Variants in TECRL observed in about 807,000 individuals in gnomAD.
TECRL encodes trans-2,3-enoyl-CoA reductase-like.
Under a neutral mutation model 52.8 loss-of-function variants are expected in TECRL, and 63 were observed. The observed-to-expected ratio is 1.19, with a 90% CI of 0.97 to 1.47. The LOEUF is 1.47. Among genes scored for constraint, TECRL ranks in the 40% most tolerant of loss-of-function variants. The pLI is 0.00. For synonymous variants in TECRL, 164 were observed against 141.9 expected (o/e 1.16, Z -1.10); for missense variants, 482 against 429.6 (o/e 1.12, Z -1.08).
At chr4:64,354,006 G>A (rs1279872175) in intron 2 of TECRL, among the ~76,000 whole-genome samples, 1 of 152,072 alleles carries the variant, frequency 6.6e-6, no homozygotes. Context: ...GTCAAAGAAA[G>A]GAATGGTATG....
In TECRL at chr4:64,314,593, GTGTGTGTGTGTGTGT is replaced by G. The variant is rs1717340534; in HGVS notation, c.551+40_551+54del. The G allele has an allele frequency of 7.9e-4, 209 of 264,716 alleles. 4 individuals are homozygous for G. Among genetic ancestry groups the G allele is most frequent in the South Asian group, 1.6e-3 (35 of 21,906 alleles). The allele number at this position is 264,716 out of a possible 1,614,324, so 16.4% of individuals were successfully genotyped here. ...TCATCCCCTCCTTAACGTGTATGGT[GTGTGTGTGTGTGTGT>G]GTGTGTGTGTGTGTGTGTGTGTGTG... On this transcript the variant is annotated intron_variant, in intron 5 of 11. Coordinates refer to ENST00000381210, the MANE Select transcript of TECRL (RefSeq NM_001010874.5).
intron 2 of TECRL, among the ~76,000 whole-genome samples, chr4:64,356,567 G>C (rs1011735457): frequency 5.9e-5 from 9 of 152,118 alleles, no homozygotes; most frequent in Non-Finnish European, 8.8e-5. Context: ...TCCAGGCATA[G>C]TACCTCCCCT....
chr4:64,349,435 A>C (rs1720228200), intron 2 of TECRL, among the ~76,000 whole-genome samples: 1 of 151,880 alleles, frequency 6.6e-6, no homozygotes, highest in Non-Finnish European at 1.5e-5. Context: ...CCAGCCTATA[A>C]AAACCTTTTA....
intron 2 of TECRL, among the ~76,000 whole-genome samples, chr4:64,346,635 G>A (rs1239554768): frequency 1.3e-5 from 2 of 152,236 alleles, no homozygotes; most frequent in Admixed American, 6.5e-5. Context: ...GCACAGATCA[G>A]GGGGCCCCTG....
At chr4:64,361,594 G>A (rs1267877040) in intron 2 of TECRL, among the ~76,000 whole-genome samples, 1 of 152,124 alleles carries the variant, frequency 6.6e-6, no homozygotes, top group African/African-American at 2.4e-5. Flanking sequence ...CAGCCCAGGA[G>A]TGCTGAGCTA....
At chr4:64,340,576 G>C (rs938054475) in intron 2 of TECRL, among the ~76,000 whole-genome samples, 2 of 152,232 alleles carry the variant, frequency 1.3e-5, no homozygotes, top group Non-Finnish European at 2.9e-5. Flanking sequence ...TGGACTTTGG[G>C]CACTGACAAG....
At chr4:64,345,912 A>AAAAAAAAAAAAAAAAC (rs1409279767) in intron 2 of TECRL, among the ~76,000 whole-genome samples, 2 of 138,674 alleles carry the variant, frequency 1.4e-5, no homozygotes, top group East Asian at 4.2e-4. Context: ...AACAGCAAAA[A>AAAAAAAAAAAAAAAAC]AAAAAAAAAA....
chr4:64,339,860 C>T (rs990842161), intron 2 of TECRL, among the ~76,000 whole-genome samples: 2 of 152,168 alleles, frequency 1.3e-5, no homozygotes, highest in African/African-American at 4.8e-5. Flanking sequence ...CTACTATTTT[C>T]ACGATCATAA....
chr4:64,388,967 A>G (rs1457761977), intron 1 of TECRL, among the ~76,000 whole-genome samples: 2 of 151,900 alleles, frequency 1.3e-5, no homozygotes, highest in African/African-American at 4.8e-5. Flanking sequence ...CTGCAAATCC[A>G]TCATAATTCC....
intron 11 of TECRL, 68 bp downstream of exon 11, chr4:64,280,973 T>A (rs565565542): frequency 8.2e-7 from 1 of 1,213,094 alleles, no homozygotes; most frequent in East Asian, 2.4e-5. Flanking sequence ...ATAATAACTT[T>A]TTCTCAGAAA....
chr4:64,389,308 T>C (rs146950309), intron 1 of TECRL, among the ~76,000 whole-genome samples: 2 of 151,870 alleles, frequency 1.3e-5, no homozygotes, highest in Non-Finnish European at 2.9e-5. Flanking sequence ...CCTACTTTAT[T>C]GAGACTTTTA....
intron 1 of TECRL, among the ~76,000 whole-genome samples, chr4:64,392,834 A>T (rs1723637412): frequency 6.6e-6 from 1 of 151,982 alleles, no homozygotes; most frequent in Non-Finnish European, 1.5e-5. Flanking sequence ...TTTACAAATT[A>T]CCACAGCATG....
chr4:64,346,130 A>G (rs1719964370), intron 2 of TECRL, among the ~76,000 whole-genome samples: 1 of 152,062 alleles, frequency 6.6e-6, no homozygotes, highest in Admixed American at 6.6e-5. Flanking sequence ...TATTCATCTC[A>G]TTAGATGTTG....
In TECRL at chr4:64,406,159, C is replaced by CGTGTGT. The variant is rs1282591396; in HGVS notation, c.234+2958_234+2959insACACAC. Among the ~76,000 whole-genome samples, 3 of 150,138 alleles carry CGTGTGT rather than the reference C, an allele frequency of 2.0e-5. No homozygotes were observed. In the East Asian group the frequency reaches 6.0e-4, roughly 30 times the overall value. ...TTTTTATTTGTTAGGCGCGCGCGCG[C>CGTGTGT]GCGCGCGTGTGTGTGTGTGTGTATG... On this transcript the variant is annotated intron_variant, in intron 1 of 11. Coordinates refer to ENST00000381210, the MANE Select transcript of TECRL (RefSeq NM_001010874.5).
chr4:64,328,815 T>A (rs1159054961), intron 2 of TECRL, among the ~76,000 whole-genome samples: 3 of 151,940 alleles, frequency 2.0e-5, no homozygotes, highest in Non-Finnish European at 4.4e-5. Context: ...ATAGGTGTGT[T>A]CAGGTTTTGG....
intron 1 of TECRL, among the ~76,000 whole-genome samples, chr4:64,377,047 T>C (rs1431438595): frequency 6.6e-6 from 1 of 152,162 alleles, no homozygotes; most frequent in Non-Finnish European, 1.5e-5. Context: ...GATATATGCT[T>C]TTTTCTTTCA....
chr4:64,341,206 A>T lies in TECRL; in HGVS notation c.287-12650T>A, dbSNP rs1195608255. Among the ~76,000 whole-genome samples the T allele has an allele frequency of 2.0e-5, 3 of 152,206 alleles. No individual in the cohort carries two copies. The East Asian group carries it at 5.8e-4, about 30-fold the overall frequency. ...TATTGCTCAGTCCAAGCTCTTCTTC[A>T]TCTTGCCCACCCTCCACTTGTCTTC... On this transcript the variant is annotated intron_variant, in intron 2 of 11. Coordinates refer to ENST00000381210, the MANE Select transcript of TECRL (RefSeq NM_001010874.5).
rs1357075562 is a variant in TECRL, at chr4:64,279,132, T to C, written c.*940A>G. The C allele has an allele frequency of 5.3e-5, 8 of 152,228 alleles. No individual in the cohort carries two copies. The highest frequency in any genetic ancestry group is 1.9e-4 in the African/African-American group (8 of 41,462). 9.4% of individuals were successfully genotyped at this position (152,228 alleles called of 1,614,324 possible). A position where few individuals can be genotyped will look rare whatever the true frequency, so the allele number is the denominator to read the frequency against. ...CCAGTAATGGTATTGCTGGATCATA[T>C]GATAGTTCTATTTGTAATTTTTGAA... On this transcript the variant is annotated 3_prime_UTR_variant, in exon 12 of 12. Transcript: ENST00000381210.
chr4:64,307,595 C>T (rs1448918204), intron 6 of TECRL, among the ~76,000 whole-genome samples: 3 of 152,020 alleles, frequency 2.0e-5, no homozygotes, highest in African/African-American at 7.2e-5. Flanking sequence ...TGTAACAATC[C>T]ATCTTCAGCC....
Sources: allele counts gnomAD v4.1 joint callset (sites outside exome capture counted in the v4.1 genomes callset), GRCh38; gene constraint gnomAD v4.1.1; transcripts MANE v1.5; gene names NCBI Gene and HGNC (gene_info 2026-07-23, HGNC 2026-07-21).